The following PTPN2 variants were observed in gnomAD, a reference collection of about 807,000 sequenced individuals.
PTPN2 encodes the protein tyrosine-protein phosphatase non-receptor type 2.
PTPN2 carries 19 observed loss-of-function variants against 57.3 expected under a neutral mutation model. The ratio of observed to expected loss-of-function variants is 0.33; its 90% CI spans 0.23 to 0.49. The LOEUF (loss-of-function observed/expected upper bound fraction) is 0.49. PTPN2 is among the 20% of genes least tolerant of loss of function. PTPN2 has a pLI of 0.99. For missense variants in PTPN2, 358 were observed against 501.1 expected (o/e 0.71, Z 2.73); for synonymous variants, 153 against 164.9 (o/e 0.93, Z 0.55).
intron 7 of PTPN2, among the ~76,000 whole-genome samples, chr18:12,804,068 G>A (rs941985069): frequency 6.6e-6 from 1 of 152,080 alleles, no homozygotes; most frequent in African/African-American, 2.4e-5. Flanking sequence ...GGGAGGTAGA[G>A]GCTGGAGGAT....
chr18:12,824,073 G>A (rs1311999760), intron 5 of PTPN2, among the ~76,000 whole-genome samples: 1 of 152,108 alleles, frequency 6.6e-6, no homozygotes, highest in Non-Finnish European at 1.5e-5. Context: ...AGAACCTTGT[G>A]GAAATACAGT....
chr18:12,797,970 C>T (rs1032240363), intron 8 of PTPN2, among the ~76,000 whole-genome samples: 2 of 152,176 alleles, frequency 1.3e-5, no homozygotes, highest in Non-Finnish European at 2.9e-5. Context: ...AAGTGATCCA[C>T]CCGCCTCAGC....
At chr18:12,829,135 C>T (rs138739629) in intron 4 of PTPN2, among the ~76,000 whole-genome samples, 24 of 152,176 alleles carry the variant, frequency 1.6e-4, no homozygotes, top group East Asian at 5.8e-4. Context: ...TGGGCTCAAG[C>T]GATCCACCCA....
At chr18:12,853,733 C>T (rs1236737616) in intron 2 of PTPN2, among the ~76,000 whole-genome samples, 2 of 152,114 alleles carry the variant, frequency 1.3e-5, no homozygotes, top group Admixed American at 6.5e-5. Context: ...AGAAGAACTC[C>T]AAGTGATTCA....
At chr18:12,833,946 A>C (rs549848150) in intron 3 of PTPN2, among the ~76,000 whole-genome samples, 98 of 152,306 alleles carry the variant, frequency 6.4e-4, no homozygotes, top group African/African-American at 2.1e-3. Context: ...TCAGGAGAGA[A>C]GAAAAAGCCA....
chr18:12,854,907 T>C (rs1027385846), intron 2 of PTPN2, among the ~76,000 whole-genome samples: 6 of 152,148 alleles, frequency 3.9e-5, no homozygotes, highest in African/African-American at 1.4e-4. Context: ...TCCTAGTACT[T>C]TGAGAGGCCG....
downstream of PTPN2, among the ~76,000 whole-genome samples, chr18:12,791,554 C>T (rs1900374861): frequency 6.6e-6 from 1 of 152,098 alleles, no homozygotes; most frequent in African/African-American, 2.4e-5. Context: ...AATAAAAAGT[C>T]AGGACTTTTT....
At chr18:12,849,812 C>T (rs2043333773) in intron 2 of PTPN2, among the ~76,000 whole-genome samples, 1 of 152,032 alleles carries the variant, frequency 6.6e-6, no homozygotes, top group African/African-American at 2.4e-5. Flanking sequence ...TCTTCAGACT[C>T]TACTTCTGCT....
intron 2 of PTPN2, chr18:12,843,902 T>C (rs1177082132): frequency 1.3e-5 from 2 of 152,280 alleles, no homozygotes; most frequent in African/African-American, 4.8e-5. Context: ...AAACAACACA[T>C]ACCTATTCCA....
At chr18:12,840,592 T>G in intron 2 of PTPN2, 1 of 1,126,122 alleles carries the variant, frequency 8.9e-7, no homozygotes, top group Non-Finnish European at 1.3e-6. Flanking sequence ...CACAGCCCTA[T>G]GAAGTGCATA....
In PTPN2 at chr18:12,867,921, T is replaced by G. The variant is rs574179253; in HGVS notation, c.70-8667A>C. 3.3e-5 allele frequency among the ~76,000 whole-genome samples: 5 copies of G among 152,358 alleles called. No homozygotes were observed. In the South Asian group the frequency reaches 8.3e-4, roughly 25 times the overall value. On this transcript the variant is annotated intron_variant, in intron 1 of 8. Coordinates refer to ENST00000309660, the MANE Select transcript of PTPN2 (RefSeq NM_002828.4). ...TGCCTCTACCTCATACTATTTTGCA[T>G]GCCCTCAATGATCTTGGGGTGAATT...
rs900113999 is a variant in PTPN2 at position 12,864,185 on chromosome 18, C to T, written c.70-4931G>A. The T allele has an allele frequency of 2.1e-4, 21 of 100,532 alleles. 1 individual carries two copies. The highest frequency in any genetic ancestry group is 4.3e-4 in the South Asian group (1 of 2,332). The allele number at this position is 100,532 out of a possible 1,614,324, so 6.2% of individuals were successfully genotyped here. A position where few individuals can be genotyped will look rare whatever the true frequency, so the allele number is the denominator to read the frequency against. On this transcript the variant is annotated intron_variant, in intron 1 of 8. Transcript: ENST00000309660. ...ATGGAACTGAGCTATTATTAATACA[C>T]GCTATTTGGTAAAAAAAAAAAAAAA...
exon 10 of PTPN2, chr18:12,785,681 G>A (rs2040829507): frequency 4.0e-6 from 3 of 751,030 alleles, no homozygotes; most frequent in Non-Finnish European, 6.9e-6. Context: ...TGGATGTAAA[G>A]TTTACTTTGT....
chr18:12,859,090 C>A, intron 2 of PTPN2, 74 bp downstream of exon 2: 1 of 1,093,124 alleles, frequency 9.1e-7, no homozygotes, highest in East Asian at 2.4e-5. Flanking sequence ...GACCCCAAGC[C>A]CTCCTTTTCA....
intron 8 of PTPN2, among the ~76,000 whole-genome samples, chr18:12,796,244 TA>T (rs1295579512): frequency 3.2e-4 from 48 of 152,302 alleles, no homozygotes; most frequent in Non-Finnish European, 2.9e-5. Context: ...AATCTTGAAA[TA>T]TTTTTTAAAC....
intron 2 of PTPN2, among the ~76,000 whole-genome samples, chr18:12,858,295 AG>A (rs1362281468): frequency 2.3e-4 from 35 of 152,364 alleles, no homozygotes; most frequent in Admixed American, 2.2e-3. Context: ...ACCTATGTTT[AG>A]CCCACTAAAG....
At chr18:12,852,496 T>G (rs1568147769) in intron 2 of PTPN2, among the ~76,000 whole-genome samples, 1 of 152,192 alleles carries the variant, frequency 6.6e-6, no homozygotes, top group Non-Finnish European at 1.5e-5. Context: ...TTGTAGCAGA[T>G]TATGGACCTC....
chr18:12,794,232 C>T lies in PTPN2; in HGVS notation c.*46G>A. 6.2e-7 allele frequency: 1 copy of T among 1,611,414 alleles called. No homozygotes were observed. Among genetic ancestry groups the T allele is most frequent in the Non-Finnish European group, 8.5e-7 (1 of 1,178,808 alleles). ...AGACAAACCCCTATGATTAATGTAG[C>T]ACTGTCAGTTACTAGTGCAGAAGCT... On this transcript the variant is annotated 3_prime_UTR_variant, in exon 9 of 9. Coordinates refer to ENST00000309660, the MANE Select transcript of PTPN2 (RefSeq NM_002828.4).
chr18:12,799,819 C>T (rs1434126627), intron 8 of PTPN2, among the ~76,000 whole-genome samples: 2 of 152,062 alleles, frequency 1.3e-5, no homozygotes, highest in Non-Finnish European at 1.5e-5. Flanking sequence ...TCAGCAGAGA[C>T]GGGGTTTCAC....
Sources: gnomAD v4.1 joint callset for allele counts (sites outside exome capture counted in the v4.1 genomes callset) on GRCh38, gnomAD v4.1.1 for gene constraint, MANE v1.5 for transcripts, NCBI Gene and HGNC (gene_info 2026-07-23, HGNC 2026-07-21) for gene names.